LAMA3: variants seen among roughly 807,000 people sequenced by gnomAD.
The protein encoded by LAMA3 is laminin subunit alpha-3.
Under a neutral mutation model 402.0 loss-of-function variants are expected in LAMA3, and 281 were observed. The ratio of observed to expected loss-of-function variants is 0.70; its 90% CI spans 0.63 to 0.77. The LOEUF (loss-of-function observed/expected upper bound fraction) is 0.77. LAMA3 is among the 30% of genes least tolerant of loss of function. The probability of loss-of-function intolerance (pLI) is 0.00; values close to 1 mark genes in which losing one functional copy is unlikely to be tolerated. For missense variants in LAMA3, 3,840 were observed against 4,215.5 expected, an observed-to-expected ratio of 0.91 and a Z score of 2.47; for synonymous variants, 1,431 against 1,558.4, an observed-to-expected ratio of 0.92 and a Z score of 1.93.
In LAMA3 at chr18:23,879,616, A is replaced by G. The variant is rs2064833273; in HGVS notation, c.5113-2320A>G. Among the ~76,000 whole-genome samples, 1 of 152,216 alleles carries G rather than the reference A, an allele frequency of 6.6e-6. No individual in the cohort carries two copies. The highest frequency in any genetic ancestry group is 2.4e-5 in the African/African-American group (1 of 41,452). On this transcript the variant is annotated intron_variant, in intron 39 of 74. Transcript: ENST00000313654. This position sits in a 1 kb window ranked among gnomAD's most constrained non-coding sequence, Gnocchi z 4.2. Reference sequence around the variant, plus strand: ...ATATTTGGTGACAAATGGAGCTAGGAGAGCACGTGCCATGGGAGTGGACGT... The same window carrying G: ...ATATTTGGTGACAAATGGAGCTAGGGGAGCACGTGCCATGGGAGTGGACGT...
chr18:23,866,608 A>G (rs544128442), intron 36 of LAMA3, among the ~76,000 whole-genome samples: 3 of 151,910 alleles, frequency 2.0e-5, no homozygotes, highest in Non-Finnish European at 4.4e-5. Flanking sequence ...GTTTTTGCAG[A>G]GCATCTTGTA....
chr18:23,845,406 C>G (rs1316774051), intron 30 of LAMA3, among the ~76,000 whole-genome samples: 1 of 152,230 alleles, frequency 6.6e-6, no homozygotes, highest in Non-Finnish European at 1.5e-5. Context: ...GAGTTTCCTT[C>G]CCTCTCCACT....
intron 8 of LAMA3, among the ~76,000 whole-genome samples, chr18:23,767,967 A>G (rs1025625159): frequency 1.7e-4 from 26 of 152,334 alleles, no homozygotes; most frequent in Middle Eastern, 3.4e-3. Flanking sequence ...ACCATATATT[A>G]TACAATAATT....
chr18:23,753,692 A>G (rs1251003180), intron 5 of LAMA3, 29 bp from the exon 6 acceptor site: 1 of 1,562,464 alleles, frequency 6.4e-7, no homozygotes. Flanking sequence ...GTTCAGTGAA[A>G]CTTGCATGTT....
At chr18:23,808,303 A>C (rs950580653) in intron 12 of LAMA3, among the ~76,000 whole-genome samples, 3 of 151,200 alleles carry the variant, frequency 2.0e-5, no homozygotes, top group African/African-American at 4.9e-5. Flanking sequence ...ATTACTTATA[A>C]TACATAATAT....
Position 23,773,480 on chromosome 18 carries a change from C to G in LAMA3, c.1183-17C>G, listed in dbSNP as rs1437749018. ...TCCCCAGAACCCTTCCTTTAAGTTT[C>G]TTTTGTTTCTTTCTAGCACAACACA... On this transcript the variant is annotated splice_polypyrimidine_tract_variant and intron_variant, in intron 8 of 74. Transcript: ENST00000313654. The G allele has an allele frequency of 3.2e-6, 5 of 1,544,058 alleles. No homozygotes were observed. The highest frequency in any genetic ancestry group is 2.7e-6 in the Non-Finnish European group (3 of 1,128,950).
chr18:23,729,678 T>C (rs968146630), intron 2 of LAMA3, among the ~76,000 whole-genome samples: 1 of 152,214 alleles, frequency 6.6e-6, no homozygotes, highest in African/African-American at 2.4e-5. Flanking sequence ...ATGCTAGAAA[T>C]TGACCTAAGC....
At chr18:23,815,712 G>A in intron 17 of LAMA3, 139 bp downstream of exon 17, 2 of 719,564 alleles carry the variant, frequency 2.8e-6, no homozygotes. Flanking sequence ...CAGGGAATTT[G>A]GCCAAACATT....
chr18:23,743,874 A>G (rs2061604446), intron 2 of LAMA3, among the ~76,000 whole-genome samples: 1 of 152,088 alleles, frequency 6.6e-6, no homozygotes, highest in African/African-American at 2.4e-5. Context: ...TTGCCTTTCT[A>G]CCTACAGTGG....
At position 23,898,747 on chromosome 18, in the gene LAMA3, C is replaced by T. The variant is rs758227448; in HGVS notation, c.5623C>T (p.Leu1875Phe). 1.3e-6 allele frequency: 2 copies of T among 1,588,488 alleles called. No individual in the cohort carries two copies. The highest frequency in any genetic ancestry group is 1.7e-6 in the Non-Finnish European group (2 of 1,156,654). Residue 1875 changes from leucine to phenylalanine, a missense_variant, in exon 45 of 75, where the codon CTC becomes TTC. By Grantham distance (22) the Leu-to-Phe change is conservative (BLOSUM62 0). Coordinates refer to ENST00000313654, the MANE Select transcript of LAMA3 (RefSeq NM_198129.4). ...TQAKDLRNQL[L>F]NYRSAISNHG... is the part of the protein sequence containing the mutation. ...TGTGTTTTGTTTCCAGAATCAGTTG[C>T]TCAACTACCGTTCTGCCATTTCAAA...
intron 40 of LAMA3, among the ~76,000 whole-genome samples, chr18:23,883,392 C>T (rs1217893162): frequency 6.6e-6 from 1 of 152,130 alleles, no homozygotes; most frequent in Non-Finnish European, 1.5e-5. Context: ...TCACTGTGGG[C>T]CCAAGCAAAG....
At chr18:23,948,800 C>A (rs2082801488) in intron 70 of LAMA3, among the ~76,000 whole-genome samples, 1 of 152,036 alleles carries the variant, frequency 6.6e-6, no homozygotes, top group African/African-American at 2.4e-5. Flanking sequence ...AAACTCCTGA[C>A]CTCAGGTGAT....
intron 12 of LAMA3, among the ~76,000 whole-genome samples, chr18:23,798,345 T>C (rs1024883907): frequency 6.6e-6 from 1 of 152,144 alleles, no homozygotes; most frequent in African/African-American, 2.4e-5. Flanking sequence ...ACCATCCCCA[T>C]TAGAGTCTGA....
At chr18:23,715,062 T>C (rs543390368) in intron 2 of LAMA3, among the ~76,000 whole-genome samples, 1 of 152,280 alleles carries the variant, frequency 6.6e-6, no homozygotes, top group East Asian at 1.9e-4. Flanking sequence ...TAGGCAAATC[T>C]ATAGAGAGAA....
At chr18:23,772,280 C>G (rs576928843) in intron 8 of LAMA3, among the ~76,000 whole-genome samples, 45 of 152,238 alleles carry the variant, frequency 3.0e-4, no homozygotes, top group African/African-American at 1.0e-3. Context: ...GACCTTGTGA[C>G]CCACCCACTT....
intron 1 of LAMA3, among the ~76,000 whole-genome samples, chr18:23,708,317 G>A (rs552581784): frequency 2.3e-4 from 35 of 152,052 alleles, no homozygotes; most frequent in Non-Finnish European, 3.5e-4. Flanking sequence ...TCCTCCTCCC[G>A]GTCTTCTTCT....
chr18:23,737,026 C>T (rs1338707692), intron 2 of LAMA3, among the ~76,000 whole-genome samples: 1 of 152,128 alleles, frequency 6.6e-6, no homozygotes, highest in African/African-American at 2.4e-5. Context: ...TCCCCCACCC[C>T]CACCACTAGT....
chr18:23,899,040 T>G lies in LAMA3; in HGVS notation c.5811T>G (p.Ile1937Met). The change falls in exon 46 of 75, where the codon ATT becomes ATG. Residue 1937 changes from isoleucine (I) to methionine (M), a missense_variant. By Grantham distance (10) the Ile-to-Met change is conservative. Transcript: ENST00000313654. ...GCGCAAAAGAACTGGATGTGAAGATTAAAAATGTCATCCGGAATGTGCACA... is the reference window on the plus strand; with the variant it reads ...GCGCAAAAGAACTGGATGTGAAGATGAAAAATGTCATCCGGAATGTGCACA... ...TQSAKELDVK[I>M]KNVIRNVHIL... 6.2e-7 allele frequency: 1 copy of G among 1,613,732 alleles called. No homozygotes were observed. The highest frequency in any genetic ancestry group is 2.2e-5 in the East Asian group (1 of 44,858).
chr18:23,867,542 C>A (rs1341032638), intron 36 of LAMA3, among the ~76,000 whole-genome samples: 1 of 124,722 alleles, frequency 8.0e-6, no homozygotes, highest in African/African-American at 3.1e-5. Context: ...GAGTGAGATT[C>A]CATCCCTGCC....
Sources: allele counts gnomAD v4.1 joint callset (sites outside exome capture counted in the v4.1 genomes callset), GRCh38; gene constraint gnomAD v4.1.1; non-coding constraint Gnocchi (gnomAD v3.1); transcripts MANE v1.5; gene names NCBI Gene and HGNC (gene_info 2026-07-23, HGNC 2026-07-21).